Variants in SLC1A1 observed in about 807,000 individuals in gnomAD.
SLC1A1 encodes the protein solute carrier family 1 member 1.
Under a neutral mutation model 53.3 loss-of-function variants are expected in SLC1A1, and 43 were observed. The observed-to-expected ratio is 0.81, with a 90% CI of 0.63 to 1.04. SLC1A1 has a LOEUF of 1.04. SLC1A1 is among the 50% of genes least tolerant of loss of function. SLC1A1 has a pLI of 0.00. For missense variants in SLC1A1, 748 were observed against 664.9 expected (o/e 1.12, Z -1.37); for synonymous variants, 307 against 243.2 (o/e 1.26, Z -2.44).
At chr9:4,572,164 T>C (rs760252195) in intron 6 of SLC1A1, 40 bp from the exon 7 acceptor site, 5 of 1,545,308 alleles carry the variant, frequency 3.2e-6, no homozygotes, top group Non-Finnish European at 4.5e-6. Context: ...AACAAGATTA[T>C]AATCGTGCAT....
At chr9:4,533,692 C>T (rs1816563582) in intron 1 of SLC1A1, among the ~76,000 whole-genome samples, 1 of 152,160 alleles carries the variant, frequency 6.6e-6, no homozygotes, top group South Asian at 2.1e-4. Context: ...AGGAATTGAA[C>T]TCAGCTCTGC....
At chr9:4,521,818 G>A (rs1007068418) in intron 1 of SLC1A1, among the ~76,000 whole-genome samples, 8 of 152,106 alleles carry the variant, frequency 5.3e-5, no homozygotes, top group East Asian at 1.9e-4. Flanking sequence ...GAAAGTCAGC[G>A]AAGACAATTA....
chr9:4,573,880 C>T, intron 7 of SLC1A1, 27 bp from the exon 8 acceptor site: 2 of 1,472,802 alleles, frequency 1.4e-6, no homozygotes, highest in South Asian at 2.3e-5. Context: ...ATGACGGAAT[C>T]ACGCCTCTGT....
intron 10 of SLC1A1, among the ~76,000 whole-genome samples, chr9:4,579,679 C>T (rs1820878300): frequency 6.6e-6 from 1 of 152,184 alleles, no homozygotes; most frequent in Admixed American, 6.5e-5. Context: ...TCCTCACTGG[C>T]TCTACATGGA....
chr9:4,579,866 G>C (rs532270129), intron 10 of SLC1A1, among the ~76,000 whole-genome samples: 1 of 151,848 alleles, frequency 6.6e-6, no homozygotes, highest in Admixed American at 6.6e-5. Context: ...AGGTTACAAC[G>C]GATTGAAAAT....
chr9:4,561,586 T>A, intron 3 of SLC1A1, 45 bp downstream of exon 3: 1 of 1,220,392 alleles, frequency 8.2e-7, no homozygotes, highest in Non-Finnish European at 1.2e-6. Context: ...TAATGGTGAT[T>A]TTTTCATTCG....
Position 4,549,761 on chromosome 9 carries a change from G to A in SLC1A1, c.232+5054G>A, listed in dbSNP as rs1055141601. ...AGCCTTTCCTCGTGGACCCCATCAG[G>A]AGCCTTCCATAGACTCCATACCATA... On this transcript the variant is annotated intron_variant, in intron 2 of 11. Coordinates refer to ENST00000262352, the MANE Select transcript of SLC1A1 (RefSeq NM_004170.6). The surrounding 1 kb of genome is among the most constrained non-coding windows in gnomAD (Gnocchi z 4.1). Among the ~76,000 whole-genome samples the A allele has an allele frequency of 4.5e-4, 69 of 152,154 alleles. No homozygotes were observed. Among genetic ancestry groups the A allele is most frequent in the African/African-American group, 1.6e-3 (67 of 41,434 alleles).
chr9:4,565,685 G>T (rs1819419033), intron 4 of SLC1A1, among the ~76,000 whole-genome samples: 1 of 152,184 alleles, frequency 6.6e-6, no homozygotes, highest in Admixed American at 6.5e-5. Context: ...TGAGATTTGG[G>T]TGGGGACACA....
At chr9:4,585,032 C>A (rs1039623363) in intron 11 of SLC1A1, among the ~76,000 whole-genome samples, 1 of 152,076 alleles carries the variant, frequency 6.6e-6, no homozygotes, top group East Asian at 1.9e-4. Flanking sequence ...TCCCTCAGTC[C>A]CCCAAAAAAT....
intron 1 of SLC1A1, among the ~76,000 whole-genome samples, chr9:4,521,317 A>C (rs1423787740): frequency 6.6e-6 from 1 of 152,122 alleles, no homozygotes; most frequent in Admixed American, 6.5e-5. Context: ...AAGTATTTGG[A>C]AGGTCATCAG....
intron 4 of SLC1A1, 106 bp downstream of exon 4, chr9:4,564,564 T>C: frequency 1.3e-6 from 1 of 763,034 alleles, no homozygotes; most frequent in Non-Finnish European, 2.3e-6. Flanking sequence ...TTTTAATAAC[T>C]TTTGAATTAT....
At chr9:4,510,145 C>T (rs1400574581) in intron 1 of SLC1A1, among the ~76,000 whole-genome samples, 1 of 152,186 alleles carries the variant, frequency 6.6e-6, no homozygotes, top group Non-Finnish European at 1.5e-5. Context: ...ATTTTGATAA[C>T]ATCTGGTGAT....
intron 1 of SLC1A1, among the ~76,000 whole-genome samples, chr9:4,534,987 G>A (rs1018323253): frequency 4.6e-5 from 7 of 152,030 alleles, no homozygotes; most frequent in African/African-American, 1.4e-4. Flanking sequence ...TGCAGAAAAG[G>A]CCTTTGACAA....
chr9:4,525,148 T>C (rs987223437), intron 1 of SLC1A1, among the ~76,000 whole-genome samples: 7 of 152,198 alleles, frequency 4.6e-5, no homozygotes, highest in African/African-American at 1.7e-4. Flanking sequence ...ACATAAAGTC[T>C]GGAACCACAA....
chr9:4,575,881 C>A, intron 8 of SLC1A1, 120 bp from the exon 9 acceptor site: 1 of 1,161,918 alleles, frequency 8.6e-7, no homozygotes, highest in Non-Finnish European at 1.3e-6. Flanking sequence ...ACTCCCATTT[C>A]TTATTGGGCC....
intron 1 of SLC1A1, among the ~76,000 whole-genome samples, chr9:4,498,133 C>T (rs979954803): frequency 7.9e-5 from 12 of 152,078 alleles, no homozygotes; most frequent in African/African-American, 2.7e-4. Flanking sequence ...TATATTCATT[C>T]CTCAGTTCAT....
In SLC1A1 at chr9:4,503,858, A is replaced by C. The variant is rs1820715219; in HGVS notation, c.91+13088A>C. Among the ~76,000 whole-genome samples the C allele has an allele frequency of 1.3e-5, 2 of 148,580 alleles. 1 individual carries two copies. Among genetic ancestry groups the C allele is most frequent in the African/African-American group, 5.2e-5 (2 of 38,108 alleles). On this transcript the variant is annotated intron_variant, in intron 1 of 11. Transcript: ENST00000262352. ...TACAACCTTCTTCACTGAAGAATTA[A>C]AACAGGTAAATCTTTGATGAACCAA...
At chr9:4,510,822 T>C (rs1366422018) in intron 1 of SLC1A1, among the ~76,000 whole-genome samples, 1 of 152,192 alleles carries the variant, frequency 6.6e-6, no homozygotes, top group African/African-American at 2.4e-5. Context: ...GGTGATCTGA[T>C]TGGCTAGACC....
At chr9:4,505,308 C>G (rs1444586696) in intron 1 of SLC1A1, among the ~76,000 whole-genome samples, 2 of 152,098 alleles carry the variant, frequency 1.3e-5, no homozygotes, top group South Asian at 2.1e-4. Context: ...CTTGGCCTCC[C>G]AAAGAGCTGG....
Sources: allele counts gnomAD v4.1 joint callset (sites outside exome capture counted in the v4.1 genomes callset), GRCh38; gene constraint gnomAD v4.1.1; non-coding constraint Gnocchi (gnomAD v3.1); transcripts MANE v1.5; gene names NCBI Gene and HGNC (gene_info 2026-07-23, HGNC 2026-07-21).